QSOX2: variants seen among roughly 807,000 people sequenced by gnomAD.
QSOX2 encodes the protein sulfhydryl oxidase 2.
A neutral mutation model predicts 61.7 loss-of-function variants in QSOX2; 46 were observed. That is an observed-to-expected ratio of 0.75 (90% CI 0.59 to 0.95). The LOEUF is 0.95. Among genes scored for constraint, QSOX2 ranks in the 40% least tolerant of loss-of-function variants. QSOX2 has a pLI of 0.00. For synonymous variants in QSOX2, 383 were observed against 388.4 expected (o/e 0.99, Z 0.16); for missense variants, 879 against 918.9 (o/e 0.96, Z 0.56).
intron 1 of QSOX2, among the ~76,000 whole-genome samples, chr9:136,229,657 G>A (rs1260441300): frequency 2.0e-5 from 3 of 152,198 alleles, no homozygotes; most frequent in African/African-American, 7.2e-5. Flanking sequence ...AAGACGGGAA[G>A]AAGAAAACGT....
chr9:136,209,462 C>T lies in QSOX2; in HGVS notation c.1550-187G>A, dbSNP rs943167097. 2.0e-6 allele frequency: 2 copies of T among 985,340 alleles called. No individual in the cohort carries two copies. The highest frequency in any genetic ancestry group is 3.5e-5 in the African/African-American group (2 of 57,264). The allele number at this position is 985,340 out of a possible 1,614,324, so 61.0% of individuals were successfully genotyped here. The stretch of plus-strand genomic sequence containing the variant: ...CTTGCAGTTCGGCCCAGATAACATC[C>T]TGCTTCTGCAGGCCCCTGCGCACGT... On this transcript the variant is annotated intron_variant, in intron 11 of 11. Coordinates refer to ENST00000358701, the MANE Select transcript of QSOX2 (RefSeq NM_181701.4). This position sits in a 1 kb window ranked among gnomAD's most constrained non-coding sequence, Gnocchi z 5.6.
At chr9:136,211,476 A>C (rs1554755907) in intron 10 of QSOX2, 24 bp from the exon 11 acceptor site, 1 of 1,609,220 alleles carries the variant, frequency 6.2e-7, no homozygotes, top group Non-Finnish European at 8.5e-7. Context: ...AACACTGCTG[A>C]CAACGGCAGG....
chr9:136,232,260 A>G (rs28501332), intron 1 of QSOX2, among the ~76,000 whole-genome samples: 18,013 of 152,214 alleles, frequency 0.12, 1,804 homozygotes, highest in African/African-American at 0.27. Flanking sequence ...CGCACAGGGC[A>G]GGCAGCCTCC....
intron 1 of QSOX2, among the ~76,000 whole-genome samples, chr9:136,239,251 C>T (rs769558224): frequency 3.3e-5 from 5 of 152,320 alleles, no homozygotes; most frequent in African/African-American, 4.8e-5. Context: ...AGAGTGATCA[C>T]GGCTCACTGC....
Position 136,245,538 on chromosome 9 carries a change from G to A in QSOX2, c.266C>T (p.Ser89Leu), listed in dbSNP as rs782805570. 1 of 1,593,568 alleles carries A rather than the reference G, an allele frequency of 6.3e-7. No individual in the cohort carries two copies. Among genetic ancestry groups the A allele is most frequent in the South Asian group, 1.1e-5 (1 of 90,822 alleles). Residue 89 changes from serine to leucine, a missense_variant, in exon 1 of 12, where the codon TCG becomes TTG. By Grantham distance (145) the Ser-to-Leu change is moderately radical. Transcript: ENST00000358701. The stretch of plus-strand genomic sequence containing the variant: ...GTAGCCGATGCAGTGGCCACACCAC[G>A]ACGAGTAGAACTGCACGAGCCACGC... ...SAAWLVQFYS[S>L]WCGHCIGYAP...
chr9:136,226,808 T>G lies in QSOX2; in HGVS notation c.395A>C (p.His132Pro), dbSNP rs928242771. The G allele has an allele frequency of 6.2e-7, 1 of 1,614,070 alleles. No individual in the cohort carries two copies. The highest frequency in any genetic ancestry group is 8.5e-7 in the Non-Finnish European group (1 of 1,180,022). ...CMEEKNQAVC[H>P]DYDIHFYPTF... ...GGGGTAGAAGTGGATGTCGTAGTCA[T>G]GGCACACGGCCTGGTTCTTCTCTTC... The change falls in exon 2 of 12, where the codon CAT becomes CCT. Residue 132 changes from histidine (H) to proline (P), a missense_variant. Transcript: ENST00000358701.
intron 9 of QSOX2, among the ~76,000 whole-genome samples, chr9:136,216,245 A>C (rs7849254): frequency 0.027 from 4,054 of 152,294 alleles, 193 homozygotes; most frequent in African/African-American, 0.092. Flanking sequence ...GGTCTTGGGG[A>C]AAGCTCTGGA....
intron 6 of QSOX2, among the ~76,000 whole-genome samples, 153 bp from the exon 7 acceptor site, chr9:136,219,317 C>A (rs1831953771): frequency 1.3e-5 from 2 of 152,204 alleles, no homozygotes; most frequent in African/African-American, 4.8e-5. Flanking sequence ...GACACCCCGC[C>A]TGGGCTCCGG....
At chr9:136,233,620 C>T (rs974804054) in intron 1 of QSOX2, among the ~76,000 whole-genome samples, 4 of 152,174 alleles carry the variant, frequency 2.6e-5, no homozygotes, top group African/African-American at 9.7e-5. Context: ...TCTGACCTCA[C>T]GGGATTTATG....
In QSOX2 at chr9:136,245,622, T is replaced by C. The variant is rs1554758434; in HGVS notation, c.182A>G (p.Asp61Gly). Reference protein sequence around the residue: ...GAARLYRAGEDAVWVLDSGSV... With the variant: ...GAARLYRAGEGAVWVLDSGSV... Reference sequence around the variant, plus strand: ...GCCGCTGTCCAGCACCCACACGGCGTCCTCGCCCGCGCGGTACAGCCGCGC... The same window carrying C: ...GCCGCTGTCCAGCACCCACACGGCGCCCTCGCCCGCGCGGTACAGCCGCGC... Residue 61 changes from aspartate to glycine, a missense_variant, in exon 1 of 12, where the codon GAC becomes GGC. Transcript: ENST00000358701. 1 of 1,523,450 alleles carries C rather than the reference T, an allele frequency of 6.6e-7. No homozygotes were observed. The highest frequency in any genetic ancestry group is 2.0e-5 in the Admixed American group (1 of 50,016). The allele number at this position is 1,523,450 out of a possible 1,614,324, so 94.4% of individuals were successfully genotyped here.
chr9:136,243,482 T>C (rs528976185), intron 1 of QSOX2, among the ~76,000 whole-genome samples: 4 of 152,332 alleles, frequency 2.6e-5, no homozygotes, highest in Non-Finnish European at 4.4e-5. Context: ...TTTCAATCAA[T>C]TGCCAGTCAG....
In QSOX2 at chr9:136,221,030, G is replaced by A. The variant is rs539271215; in HGVS notation, c.821+766C>T. On this transcript the variant is annotated intron_variant, in intron 6 of 11. Coordinates refer to ENST00000358701, the MANE Select transcript of QSOX2 (RefSeq NM_181701.4). The surrounding 1 kb of genome is among the most constrained non-coding windows in gnomAD (Gnocchi z 4.5). ...GTTTACTTTTTCATTGGGCTTATCC[G>A]AGGGGCACACAGGCACTCCACGCAG... Among the ~76,000 whole-genome samples the A allele has an allele frequency of 3.9e-4, 59 of 151,876 alleles. No individual in the cohort carries two copies. Among genetic ancestry groups the A allele is most frequent in the Non-Finnish European group, 6.8e-4 (46 of 67,944 alleles).
intron 10 of QSOX2, 31 bp from the exon 11 acceptor site, chr9:136,211,483 C>G: frequency 6.2e-7 from 1 of 1,607,184 alleles, no homozygotes; most frequent in Non-Finnish European, 8.5e-7. Flanking sequence ...CTGACAACGG[C>G]AGGTGCGTGG....
At chr9:136,243,369 G>C (rs1393585378) in intron 1 of QSOX2, among the ~76,000 whole-genome samples, 1 of 152,166 alleles carries the variant, frequency 6.6e-6, no homozygotes, top group Non-Finnish European at 1.5e-5. Context: ...CAAGGCTGCT[G>C]CCTGTGAGGC....
In QSOX2 at chr9:136,208,855, GA is replaced by G; in HGVS notation, c.1969del (p.Ser657ProfsTer5). The G allele has an allele frequency of 6.2e-7, 1 of 1,614,086 alleles. No homozygotes were observed. Among genetic ancestry groups the G allele is most frequent in the Non-Finnish European group, 8.5e-7 (1 of 1,180,040 alleles). On this transcript the variant is annotated frameshift_variant, in exon 12 of 12. Transcript: ENST00000358701. LOFTEE classifies it high-confidence loss of function. ...GAAPFLGVDF[S>X]SLDMSLCVVL... ...GACACAGAGACTCATGTCCAGGCTG[GA>G]GAAGTCAACCCCGAGGAAGGGTGCG...
In QSOX2 at chr9:136,209,704, G is replaced by C; in HGVS notation, c.1550-429C>G. 1.0e-6 allele frequency: 1 copy of C among 984,702 alleles called. No individual in the cohort carries two copies. The highest frequency in any genetic ancestry group is 1.2e-6 in the Non-Finnish European group (1 of 829,678). The allele number at this position is 984,702 out of a possible 1,614,324, so 61.0% of individuals were successfully genotyped here. A position where few individuals can be genotyped will look rare whatever the true frequency, so the allele number is the denominator to read the frequency against. ...GCCCTTTCCTGAGGGTGCACCTGAG[G>C]CCCACTACCTACAGAGCCCCGGCCA... On this transcript the variant is annotated intron_variant, in intron 11 of 11. Coordinates refer to ENST00000358701, the MANE Select transcript of QSOX2 (RefSeq NM_181701.4). This position sits in a 1 kb window ranked among gnomAD's most constrained non-coding sequence, Gnocchi z 5.6.
At chr9:136,231,478 T>G (rs1317452685) in intron 1 of QSOX2, among the ~76,000 whole-genome samples, 5 of 152,252 alleles carry the variant, frequency 3.3e-5, no homozygotes, top group African/African-American at 1.2e-4. Flanking sequence ...GCAAAAGATC[T>G]TCATCTTCCC....
chr9:136,245,321 A>G (rs985079310), intron 1 of QSOX2, among the ~76,000 whole-genome samples, 155 bp downstream of exon 1: 16 of 152,072 alleles, frequency 1.1e-4, no homozygotes, highest in African/African-American at 3.9e-4. Flanking sequence ...GGTTGGTCCG[A>G]GTCGGGTGCC....
intron 10 of QSOX2, among the ~76,000 whole-genome samples, chr9:136,213,183 T>C (rs1831868706): frequency 6.6e-6 from 1 of 151,964 alleles, no homozygotes; most frequent in Non-Finnish European, 1.5e-5. Flanking sequence ...ACCAGAACTT[T>C]CCATGTGTAA....
Sources: allele counts gnomAD v4.1 joint callset (sites outside exome capture counted in the v4.1 genomes callset), GRCh38; gene constraint gnomAD v4.1.1; non-coding constraint Gnocchi (gnomAD v3.1); transcripts MANE v1.5; gene names NCBI Gene and HGNC (gene_info 2026-07-23, HGNC 2026-07-21).